KNTC1: variants seen among roughly 807,000 people sequenced by gnomAD.
The protein encoded by KNTC1 is kinetochore associated 1.
Under a neutral mutation model 314.4 loss-of-function variants are expected in KNTC1, and 253 were observed. The ratio of observed to expected loss-of-function variants is 0.80; its 90% CI spans 0.73 to 0.89. The LOEUF (loss-of-function observed/expected upper bound fraction) is 0.89, where lower values mean the gene tolerates loss of function less well. Among genes scored for constraint, KNTC1 ranks in the 40% least tolerant of loss-of-function variants. KNTC1 has a pLI of 0.00. For missense variants in KNTC1, 2,475 were observed against 2,572.9 expected (o/e 0.96, Z 0.82); for synonymous variants, 901 against 901.4 (o/e 1.00, Z 0.01).
Position 122,577,723 on chromosome 12 carries a change from A to G in KNTC1, c.2773A>G (p.Lys925Glu). ...LKSLPPAEAEKTAERVIIWAR... is the reference protein window; with the variant it reads ...LKSLPPAEAEETAERVIIWAR... ...GTCTTTGCCTCCTGCTGAAGCTGAGAAAACTGCAGAAAGAGTCATCATATG... is the reference window on the plus strand; with the variant it reads ...GTCTTTGCCTCCTGCTGAAGCTGAGGAAACTGCAGAAAGAGTCATCATATG... The change falls in exon 31 of 64, where the codon AAA (lysine) becomes GAA (glutamate). Residue 925 changes from lysine (K) to glutamate (E), a missense_variant. Transcript: ENST00000333479. 1 of 1,613,852 alleles carries G rather than the reference A, an allele frequency of 6.2e-7. No homozygotes were observed. Among genetic ancestry groups the G allele is most frequent in the Non-Finnish European group, 8.5e-7 (1 of 1,179,794 alleles).
chr12:122,528,929 G>A (rs755449590), intron 1 of KNTC1, among the ~76,000 whole-genome samples: 1 of 152,016 alleles, frequency 6.6e-6, no homozygotes, highest in Non-Finnish European at 1.5e-5. Flanking sequence ...TGCAACCTCC[G>A]CCTCCCGGGT....
intron 33 of KNTC1, among the ~76,000 whole-genome samples, chr12:122,582,056 A>G (rs1868481183): frequency 6.6e-6 from 1 of 152,194 alleles, no homozygotes; most frequent in Non-Finnish European, 1.5e-5. Context: ...GAATCATACA[A>G]TTAAGCATGT....
At chr12:122,573,900 T>G (rs1431017698) in intron 26 of KNTC1, among the ~76,000 whole-genome samples, 1 of 152,216 alleles carries the variant, frequency 6.6e-6, no homozygotes, top group Non-Finnish European at 1.5e-5. Flanking sequence ...TTTTCCTTAG[T>G]GATCTTGGGG....
chr12:122,584,450 G>C lies in KNTC1; in HGVS notation c.3436G>C (p.Asp1146His). 2 of 1,597,800 alleles carry C rather than the reference G, an allele frequency of 1.3e-6. No individual in the cohort carries two copies. The highest frequency in any genetic ancestry group is 1.7e-6 in the Non-Finnish European group (2 of 1,171,110). The change falls in exon 35 of 64, where the codon GAT becomes CAT. Residue 1146 changes from aspartate (D) to histidine (H), a missense_variant and splice_region_variant. Transcript: ENST00000333479. ...CCAAGCTGCCACCATTTGCAGTCCA[G>C]GTGACAATATTTATAATATACGTAG... ...ASQAATICSP[D>H]FLLDALELCK...
At chr12:122,536,114 A>G (rs1961800684) in intron 3 of KNTC1, among the ~76,000 whole-genome samples, 1 of 150,200 alleles carries the variant, frequency 6.7e-6, no homozygotes, top group South Asian at 2.1e-4. Flanking sequence ...CATGTTAGCC[A>G]GGATGGTCTC....
intron 53 of KNTC1, 53 bp from the exon 54 acceptor site, chr12:122,613,059 C>T: frequency 1.1e-6 from 1 of 904,384 alleles, no homozygotes; most frequent in Non-Finnish European, 1.8e-6. Context: ...AACTCATTTA[C>T]CCAACTACAA....
intron 26 of KNTC1, 46 bp from the exon 27 acceptor site, chr12:122,574,236 G>A (rs1407136140): frequency 1.8e-6 from 2 of 1,128,800 alleles, no homozygotes; most frequent in African/African-American, 1.6e-5. Flanking sequence ...TTTTTTTAAT[G>A]AGAATTTTTA....
intron 43 of KNTC1, among the ~76,000 whole-genome samples, chr12:122,594,625 T>G (rs968777336): frequency 1.3e-5 from 2 of 152,244 alleles, no homozygotes; most frequent in East Asian, 1.9e-4. Flanking sequence ...GCACTTGATT[T>G]CAAATGCAGG....
chr12:122,601,691 C>A, intron 45 of KNTC1, 66 bp downstream of exon 45: 2 of 1,362,112 alleles, frequency 1.5e-6, no homozygotes, highest in Non-Finnish European at 1.9e-6. Context: ...TAAATCATAT[C>A]ATTATCCAGG....
chr12:122,546,767 GA>G, intron 10 of KNTC1, 93 bp downstream of exon 10: 1 of 743,570 alleles, frequency 1.3e-6, no homozygotes, highest in Non-Finnish European at 2.3e-6. Flanking sequence ...AGCTAGGGTG[GA>G]TAACTATCTT....
In KNTC1 at chr12:122,565,816, T is replaced by C. The variant is rs1252054808; in HGVS notation, c.1605-2445T>C. Reference sequence around the variant, plus strand: ...GGGAGGATCACCTGAGCCTGGGAGGTCGAGGCTGCAGTAAGCTGTGATTGT... The same window carrying C: ...GGGAGGATCACCTGAGCCTGGGAGGCCGAGGCTGCAGTAAGCTGTGATTGT... On this transcript the variant is annotated intron_variant, in intron 20 of 63. Transcript: ENST00000333479. Among the ~76,000 whole-genome samples the C allele has an allele frequency of 2.0e-5, 3 of 151,962 alleles. No homozygotes were observed. In the East Asian group the frequency reaches 5.8e-4, roughly 29 times the overall value.
Position 122,602,716 on chromosome 12 carries a change from G to A in KNTC1, c.4801G>A (p.Ala1601Thr). The change falls in exon 46 of 64, where the codon GCA (alanine) becomes ACA (threonine). Residue 1601 changes from alanine (A) to threonine (T), a missense_variant. Physicochemically the swap from Ala to Thr is moderately conservative, Grantham distance 58 (BLOSUM62 0). Transcript: ENST00000333479. ...LPFHLIFFGT[A>T]QNFWKILSTE... ...TTTTCACCTGATATTCTTTGGCACA[G>A]CACAGAACTTCTGGAAAATTCTCTG... 1 of 1,613,822 alleles carries A rather than the reference G, an allele frequency of 6.2e-7. No homozygotes were observed. Among genetic ancestry groups the A allele is most frequent in the Non-Finnish European group, 8.5e-7 (1 of 1,179,818 alleles).
chr12:122,583,235 A>C (rs139712017), intron 34 of KNTC1, among the ~76,000 whole-genome samples: 321 of 151,178 alleles, frequency 2.1e-3, no homozygotes, highest in African/African-American at 6.6e-3. Context: ...GGCGGGTTGC[A>C]GTGAGCCGAG....
chr12:122,549,946 T>A, intron 13 of KNTC1, 82 bp downstream of exon 13: 1 of 754,768 alleles, frequency 1.3e-6, no homozygotes, highest in Non-Finnish European at 2.2e-6. Context: ...TTAAAAGCCT[T>A]AATAATTAAG....
chr12:122,595,521 T>C lies in KNTC1; in HGVS notation c.4355+1136T>C, dbSNP rs1330612645. On this transcript the variant is annotated intron_variant, in intron 43 of 63. Transcript: ENST00000333479. ...ATTGAGAATGAAACTGCTTGGTGCA[T>C]TTCCTGCACTGGGCAGGCATCTAGT... is the stretch of plus-strand genomic sequence containing the variant. 3.3e-5 allele frequency among the ~76,000 whole-genome samples: 5 copies of C among 152,226 alleles called. No individual in the cohort carries two copies. The East Asian group carries it at 9.6e-4, about 29-fold the overall frequency.
intron 12 of KNTC1, among the ~76,000 whole-genome samples, chr12:122,548,538 A>G (rs1962957654): frequency 1.3e-5 from 2 of 152,236 alleles, no homozygotes; most frequent in Admixed American, 6.5e-5. Flanking sequence ...AGTGACTCTT[A>G]CGTAGTTCTG....
At chr12:122,569,914 A>G in intron 22 of KNTC1, 90 bp downstream of exon 22, 1 of 1,139,556 alleles carries the variant, frequency 8.8e-7, no homozygotes, top group South Asian at 1.5e-5. Flanking sequence ...AACACCAGTT[A>G]ACACCAGTTA....
Position 122,591,413 on chromosome 12 carries a change from G to A in KNTC1, c.4205G>A (p.Ser1402Asn). Residue 1402 changes from serine to asparagine, a missense_variant, in exon 42 of 64, where the codon AGT becomes AAT. Transcript: ENST00000333479. Reference sequence around the variant, plus strand: ...ATGGGGCTTAAGTTCCGTGAACTCAGTACTGATGCCCAGTGGGGCATTCGT... The same window carrying A: ...ATGGGGCTTAAGTTCCGTGAACTCAATACTGATGCCCAGTGGGGCATTCGT... ...IEMGLKFREL[S>N]TDAQWGIRLG... The A allele has an allele frequency of 6.2e-7, 1 of 1,608,962 alleles. No homozygotes were observed. The highest frequency in any genetic ancestry group is 1.1e-5 in the South Asian group (1 of 90,730).
chr12:122,621,656 G>A (rs1050053901), intron 60 of KNTC1, among the ~76,000 whole-genome samples: 1 of 152,072 alleles, frequency 6.6e-6, no homozygotes, highest in Non-Finnish European at 1.5e-5. Context: ...TTTTTTATTT[G>A]TCATTTGGCT....
Sources: allele counts gnomAD v4.1 joint callset (sites outside exome capture counted in the v4.1 genomes callset), GRCh38; gene constraint gnomAD v4.1.1; transcripts MANE v1.5; gene names NCBI Gene and HGNC (gene_info 2026-07-23, HGNC 2026-07-21).